Variants in EVPL observed in about 807,000 individuals in gnomAD.
EVPL encodes the protein envoplakin, also known as 210 kDa cornified envelope precursor protein.
EVPL carries 94 observed loss-of-function variants against 129.7 expected under a neutral mutation model. That is an observed-to-expected ratio of 0.72 (90% confidence interval 0.61 to 0.86). The LOEUF (loss-of-function observed/expected upper bound fraction) is 0.86, where lower values mean the gene tolerates loss of function less well. Ranked by LOEUF, EVPL falls within the 40% of genes least tolerant of loss-of-function variation. EVPL has a pLI of 0.00. For missense variants in EVPL, 2,625 were observed against 2,721.1 expected, an observed-to-expected ratio of 0.96 and a Z score of 0.79; for synonymous variants, 1,172 against 1,191.1, an observed-to-expected ratio of 0.98 and a Z score of 0.33.
rs140832012 is a variant in EVPL, at chr17:76,008,959, C to T, written c.4246G>A (p.Val1416Met). The T allele has an allele frequency of 6.7e-5, 108 of 1,611,606 alleles. No individual in the cohort carries two copies. The highest frequency in any genetic ancestry group is 8.7e-5 in the Non-Finnish European group (103 of 1,179,958). Residue 1416 changes from valine (V) to methionine (M), a missense_variant, in exon 22 of 22, where the codon GTG becomes ATG. Physicochemically the swap from Val to Met is conservative, Grantham distance 21 (BLOSUM62 1). This residue lies in a region of EVPL where 1,453 missense variants were observed against 1,511.8 expected (regional missense o/e 0.96). Coordinates refer to ENST00000301607, the MANE Select transcript of EVPL (RefSeq NM_001988.4). This position sits in a 1 kb window ranked among gnomAD's most constrained non-coding sequence, Gnocchi z 7.4. ...CTGAGCAGGCCCTCCTGCTCCTCCA[C>T]GCCGGCCCGCAGCTGCTGCACCTCA... ...ELEVQQLRAG[V>M]EEQEGLLSFQ...
rs143752417 is a variant in EVPL at position 76,007,806 on chromosome 17, G to C, written c.5399C>G (p.Pro1800Arg). 2 of 1,611,144 alleles carry C rather than the reference G, an allele frequency of 1.2e-6. No homozygotes were observed. Among genetic ancestry groups the C allele is most frequent in the South Asian group, 2.2e-5 (2 of 90,998 alleles). Residue 1800 changes from proline (P) to arginine (R), a missense_variant, in exon 22 of 22, where the codon CCG becomes CGG. Pro to Arg is a moderately radical substitution (Grantham distance 103). Transcript: ENST00000301607. The surrounding 1 kb of genome is among the most constrained non-coding windows in gnomAD (Gnocchi z 8.8). ...LSIGSIISKS[P>R]LASPAPQSTS... The stretch of plus-strand genomic sequence containing the variant: ...GCTCTGGGGGGCCGGGGAGGCGAGC[G>C]GGGACTTGGAGATGATAGAGCCGAT...
chr17:76,014,424 A>C lies in EVPL; in HGVS notation c.2373+2T>G. On this transcript the variant is annotated splice_donor_variant, in intron 18 of 21. Transcript: ENST00000301607. LOFTEE classifies it high-confidence loss of function. ...AGGCAGCTGTCCCTGCCCCAGCCTC[A>C]CCTTCTGCGCCTGCAGCTTGTAGGC... 1 of 1,607,398 alleles carries C rather than the reference A, an allele frequency of 6.2e-7. No individual in the cohort carries two copies. Among genetic ancestry groups the C allele is most frequent in the South Asian group, 1.1e-5 (1 of 90,808 alleles).
intron 2 of EVPL, 110 bp from the exon 3 acceptor site, chr17:76,023,764 C>A (rs2066480170): frequency 5.6e-6 from 8 of 1,439,088 alleles, no homozygotes; most frequent in East Asian, 2.5e-5. Context: ...TGCTAGCCAA[C>A]CTTGAGGCCC....
chr17:76,011,457 G>T, intron 21 of EVPL, 119 bp downstream of exon 21: 2 of 911,850 alleles, frequency 2.2e-6, no homozygotes, highest in Non-Finnish European at 3.6e-6. Context: ...GGGGCTGCAG[G>T]CAGGAGGGAG....
At chr17:76,012,358 G>C (rs1430681050) in intron 18 of EVPL, 2 of 390,048 alleles carry the variant, frequency 5.1e-6, no homozygotes, top group African/African-American at 2.1e-5. Flanking sequence ...CCAGGTTGGA[G>C]TGCGTGATCT....
rs752116353 is a variant in EVPL, at chr17:76,011,806, C to T, written c.2534G>A (p.Arg845Gln). ...GATGCTCTCTTGCAGGGGAGCCACT[C>T]GGGGTCTCTTGGGGGCTGACACTGC... is the stretch of plus-strand genomic sequence containing the variant. ...TLAVSAPKRP[R>Q]VAPLQESIQA... Residue 845 changes from arginine (R) to glutamine (Q), a missense_variant, in exon 20 of 22, where the codon CGA becomes CAA. Transcript: ENST00000301607. 2.4e-5 allele frequency: 39 copies of T among 1,612,260 alleles called. No homozygotes were observed. Among genetic ancestry groups the T allele is most frequent in the Admixed American group, 1.2e-4 (7 of 59,378 alleles).
rs1252202311 is a variant in EVPL, at chr17:76,008,196, T to C, written c.5009A>G (p.Glu1670Gly). 6.2e-7 allele frequency: 1 copy of C among 1,614,102 alleles called. No individual in the cohort carries two copies. The highest frequency in any genetic ancestry group is 1.7e-5 in the Admixed American group (1 of 60,026). ...RDLHAKVSREELSQETQTRET... is the reference protein window; with the variant it reads ...RDLHAKVSREGLSQETQTRET... ...TCGCGTCTGGGTCTCCTGGCTGAGC[T>C]CCTCCCGGCTCACCTTGGCGTGGAG... The change falls in exon 22 of 22, where the codon GAG becomes GGG. Residue 1670 changes from glutamate to glycine, a missense_variant. By Grantham distance (98) the Glu-to-Gly change is moderately conservative. Transcript: ENST00000301607. This position sits in a 1 kb window ranked among gnomAD's most constrained non-coding sequence, Gnocchi z 7.4.
At position 76,009,768 on chromosome 17, in the gene EVPL, G is replaced by C; in HGVS notation, c.3437C>G (p.Pro1146Arg). The C allele has an allele frequency of 6.2e-7, 1 of 1,613,806 alleles. No homozygotes were observed. The highest frequency in any genetic ancestry group is 8.5e-7 in the Non-Finnish European group (1 of 1,180,008). Reference sequence around the variant, plus strand: ...CCTGGAGGACTCCTGGAGGAGCCCTGGGTCCTGCTCCACCTTCTTCACCTC... The same window carrying C: ...CCTGGAGGACTCCTGGAGGAGCCCTCGGTCCTGCTCCACCTTCTTCACCTC... ...VKEVKKVEQD[P>R]GLLQESSRLR... The change falls in exon 22 of 22, where the codon CCA becomes CGA. Residue 1146 changes from proline (P) to arginine (R), a missense_variant. Pro to Arg is a moderately radical substitution (Grantham distance 103). Transcript: ENST00000301607. The surrounding 1 kb of genome is among the most constrained non-coding windows in gnomAD (Gnocchi z 5.9).
rs199991753 is a variant in EVPL, at chr17:76,027,155, G to T, written c.44C>A (p.Pro15His). The part of the protein sequence containing the change: ...LSKGSQGKGS[P>H]KGSPAKGSPK... ...GGACCCCTTGGCGGGGGAGCCCTTG[G>T]GGGACCCCTTCCCCTGGGAGCCTTT... The change falls in exon 1 of 22, where the codon CCC becomes CAC. Residue 15 changes from proline to histidine, a missense_variant. By Grantham distance (77) the Pro-to-His change is moderately conservative. This residue lies in a region of EVPL where 139 missense variants were observed against 186.8 expected (regional missense o/e 0.74). Transcript: ENST00000301607. 1 of 1,579,324 alleles carries T rather than the reference G, an allele frequency of 6.3e-7. No individual in the cohort carries two copies. Among genetic ancestry groups the T allele is most frequent in the Non-Finnish European group, 8.6e-7 (1 of 1,166,822 alleles).
chr17:76,011,994 C>G lies in EVPL; in HGVS notation c.2457+12G>C. On this transcript the variant is annotated intron_variant, in intron 19 of 21. Transcript: ENST00000301607. ...TGCATGGAGAGGGGCAAGCTGAAGG[C>G]AAGCTGCTTACCTGGAGCGCTGCCT... is the stretch of plus-strand genomic sequence containing the variant. 1 of 1,611,620 alleles carries G rather than the reference C, an allele frequency of 6.2e-7. No individual in the cohort carries two copies. The highest frequency in any genetic ancestry group is 8.5e-7 in the Non-Finnish European group (1 of 1,178,746).
At position 76,008,475 on chromosome 17, in the gene EVPL, T is replaced by G. The variant is rs1302069253; in HGVS notation, c.4730A>C (p.Glu1577Ala). 1 of 1,597,782 alleles carries G rather than the reference T, an allele frequency of 6.3e-7. No homozygotes were observed. Among genetic ancestry groups the G allele is most frequent in the Non-Finnish European group, 8.5e-7 (1 of 1,176,898 alleles). The change falls in exon 22 of 22, where the codon GAG becomes GCG. Residue 1577 changes from glutamate (E) to alanine (A), a missense_variant. Transcript: ENST00000301607. This position sits in a 1 kb window ranked among gnomAD's most constrained non-coding sequence, Gnocchi z 7.4. The part of the protein sequence containing the change: ...AETLGRTWSR[E>A]ESELQRARDQ... ...CCGGGCCCTCTGCAGCTCGGACTCC[T>G]CCCGGGACCAGGTTCTCCCCAGCGT...
At position 76,009,150 on chromosome 17, in the gene EVPL, T is replaced by C. The variant is rs1370112529; in HGVS notation, c.4055A>G (p.Tyr1352Cys). The C allele has an allele frequency of 6.2e-7, 1 of 1,611,310 alleles. No homozygotes were observed. The highest frequency in any genetic ancestry group is 8.5e-7 in the Non-Finnish European group (1 of 1,179,822). ...QKRRAAEDAVYELQSKRLLLE... is the reference protein window; with the variant it reads ...QKRRAAEDAVCELQSKRLLLE... The stretch of plus-strand genomic sequence containing the variant: ...CAGCAGGCGCTTGCTCTGCAGCTCG[T>C]ACACCGCGTCCTCCGCGGCCCGCCT... Residue 1352 changes from tyrosine to cysteine, a missense_variant, in exon 22 of 22, where the codon TAC becomes TGC. Tyr to Cys is a radical substitution (Grantham distance 194). This residue lies in a region of EVPL where 1,453 missense variants were observed against 1,511.8 expected (regional missense o/e 0.96). Coordinates refer to ENST00000301607, the MANE Select transcript of EVPL (RefSeq NM_001988.4). This position sits in a 1 kb window ranked among gnomAD's most constrained non-coding sequence, Gnocchi z 5.9.
In EVPL at chr17:76,015,213, G is replaced by A; in HGVS notation, c.2028+14C>T. On this transcript the variant is annotated intron_variant, in intron 16 of 21. Transcript: ENST00000301607. Reference sequence around the variant, plus strand: ...GGTTCCCCTGACACCAGGAGGCCCCGGCTGGTCCCTTACCTGCAGCTCGCT... The same window carrying A: ...GGTTCCCCTGACACCAGGAGGCCCCAGCTGGTCCCTTACCTGCAGCTCGCT... 1.3e-6 allele frequency: 2 copies of A among 1,576,882 alleles called. No individual in the cohort carries two copies. Among genetic ancestry groups the A allele is most frequent in the African/African-American group, 1.3e-5 (1 of 74,458 alleles).
In EVPL at chr17:76,009,872, CTCCTCCGCCTGCTTCCTCCGCGCAGCA is replaced by C. The variant is rs1341678688; in HGVS notation, c.3306_3332del (p.Asp1102_Glu1110del). On this transcript the variant is annotated inframe_deletion, in exon 22 of 22. Coordinates refer to ENST00000301607, the MANE Select transcript of EVPL (RefSeq NM_001988.4). This position sits in a 1 kb window ranked among gnomAD's most constrained non-coding sequence, Gnocchi z 5.9. The stretch of plus-strand genomic sequence containing the variant: ...TGCGAGCCTGTAGCTTGGCCACAGC[CTCCTCCGCCTGCTTCCTCCGCGCAGCA>C]TCCTCCTCCATCTGCAGCCTCAGAG... 2 of 1,614,026 alleles carry C rather than the reference CTCCTCCGCCTGCTTCCTCCGCGCAGCA, an allele frequency of 1.2e-6. No individual in the cohort carries two copies. Among genetic ancestry groups the C allele is most frequent in the Non-Finnish European group, 1.7e-6 (2 of 1,180,050 alleles).
Position 76,007,467 on chromosome 17 carries a change from T to C in EVPL, c.5738A>G (p.Lys1913Arg). The C allele has an allele frequency of 6.2e-7, 1 of 1,610,452 alleles. No individual in the cohort carries two copies. The highest frequency in any genetic ancestry group is 8.5e-7 in the Non-Finnish European group (1 of 1,178,326). Reference protein sequence around the residue: ...FTGIEDPVTKKRLSVGEAVQK... With the variant: ...FTGIEDPVTKRRLSVGEAVQK... The stretch of plus-strand genomic sequence containing the variant: ...GACGGCCTCGCCCACCGAGAGCCTC[T>C]TCTTGGTGACGGGGTCCTCGATGCC... Residue 1913 changes from lysine (K) to arginine (R), a missense_variant, in exon 22 of 22, where the codon AAG becomes AGG. Lys to Arg is a conservative substitution (Grantham distance 26). This residue lies in a region of EVPL where 1,453 missense variants were observed against 1,511.8 expected (regional missense o/e 0.96). Transcript: ENST00000301607. This position sits in a 1 kb window ranked among gnomAD's most constrained non-coding sequence, Gnocchi z 8.8.
intron 10 of EVPL, 109 bp from the exon 11 acceptor site, chr17:76,019,169 G>T (rs1359355151): frequency 6.5e-6 from 8 of 1,221,456 alleles, no homozygotes; most frequent in South Asian, 5.4e-5. Flanking sequence ...GAAGGCAGGG[G>T]TCTCTAAGTC....
chr17:76,023,712 C>G (rs1287840907), intron 2 of EVPL, 58 bp from the exon 3 acceptor site: 3 of 1,477,112 alleles, frequency 2.0e-6, no homozygotes, highest in Non-Finnish European at 2.7e-6. Flanking sequence ...CCCCTGCTGC[C>G]CATCACTGTG....
At position 76,008,252 on chromosome 17, in the gene EVPL, C is replaced by A. The variant is rs1210400127; in HGVS notation, c.4953G>T (p.Gln1651His). Residue 1651 changes from glutamine (Q) to histidine (H), a missense_variant, in exon 22 of 22, where the codon CAG (glutamine) becomes CAT (histidine). Physicochemically the swap from Gln to His is conservative, Grantham distance 24. Coordinates refer to ENST00000301607, the MANE Select transcript of EVPL (RefSeq NM_001988.4). This position sits in a 1 kb window ranked among gnomAD's most constrained non-coding sequence, Gnocchi z 7.4. ...GGAGCGTCCGCTCCTTCTCGTAGATCTGGTCCTTCTCGCGGAGGATGGCCG... is the reference window on the plus strand; with the variant it reads ...GGAGCGTCCGCTCCTTCTCGTAGATATGGTCCTTCTCGCGGAGGATGGCCG... ...LEAAILREKD[Q>H]IYEKERTLRD... The A allele has an allele frequency of 6.2e-7, 1 of 1,613,402 alleles. No individual in the cohort carries two copies. The highest frequency in any genetic ancestry group is 2.2e-5 in the East Asian group (1 of 44,898).
chr17:76,027,268 GC>G lies in EVPL; in HGVS notation c.-71del. 3 of 1,122,110 alleles carry G rather than the reference GC, an allele frequency of 2.7e-6. No individual in the cohort carries two copies. Among genetic ancestry groups the G allele is most frequent in the Non-Finnish European group, 2.7e-6 (2 of 740,282 alleles). 69.5% of individuals were successfully genotyped at this position (1,122,110 alleles called of 1,614,324 possible). Reference sequence around the variant, plus strand: ...AAGACGGCAGGAGGGCAGGTGGGAGGCAGCGGGCGTCCTCACTGGCTGGTCA... The same window carrying G: ...AAGACGGCAGGAGGGCAGGTGGGAGGAGCGGGCGTCCTCACTGGCTGGTCA... On this transcript the variant is annotated 5_prime_UTR_variant, in exon 1 of 22. Coordinates refer to ENST00000301607, the MANE Select transcript of EVPL (RefSeq NM_001988.4).
Sources: gnomAD v4.1 joint callset for allele counts on GRCh38, gnomAD v4.1.1 for gene constraint, gnomAD v4.1.1 regional missense constraint, Gnocchi (gnomAD v3.1) non-coding constraint, MANE v1.5 for transcripts, NCBI Gene and HGNC (gene_info 2026-07-23, HGNC 2026-07-21) for gene names.